Variants in ALDH1A3 observed in about 807,000 individuals in gnomAD.
ALDH1A3 encodes the protein retinaldehyde dehydrogenase 3.
Under a neutral mutation model 57.5 loss-of-function variants are expected in ALDH1A3, and 28 were observed. That is an observed-to-expected ratio of 0.49 (90% CI 0.36 to 0.67). The LOEUF (loss-of-function observed/expected upper bound fraction) is 0.67. ALDH1A3 is among the 30% of genes least tolerant of loss of function. The pLI, the probability that ALDH1A3 is intolerant of heterozygous loss-of-function variation, is 0.00. For missense variants in ALDH1A3, 507 were observed against 669.4 expected (o/e 0.76, Z 2.68); for synonymous variants, 281 against 264.8 (o/e 1.06, Z -0.59).
chr15:100,907,056 C>G (rs761933876), intron 10 of ALDH1A3, 65 bp from the exon 11 acceptor site: 1 of 1,550,582 alleles, frequency 6.4e-7, no homozygotes, highest in African/African-American at 1.4e-5. Flanking sequence ...GAAGGAAATG[C>G]TTGTTCACAG....
intron 3 of ALDH1A3, chr15:100,888,893 A>G (rs2041622090): frequency 6.6e-6 from 1 of 152,176 alleles, no homozygotes; most frequent in Non-Finnish European, 1.5e-5. Flanking sequence ...GTGAAGACCC[A>G]TTTTCTAACC....
In ALDH1A3 at chr15:100,906,490, C is replaced by T. The variant is rs755421891; in HGVS notation, c.1234-631C>T. Among the ~76,000 whole-genome samples, 4 of 152,186 alleles carry T rather than the reference C, an allele frequency of 2.6e-5. No homozygotes were observed. Among genetic ancestry groups the T allele is most frequent in the Non-Finnish European group, 5.9e-5 (4 of 68,034 alleles). On this transcript the variant is annotated intron_variant, in intron 10 of 12. Transcript: ENST00000329841. This position sits in a 1 kb window ranked among gnomAD's most constrained non-coding sequence, Gnocchi z 4.8. ...CTGTGACGAGAGGTCCTGGGGAACCCGGAAGGTATTTTGGCAGGCCAGGCA... is the reference window on the plus strand; with the variant it reads ...CTGTGACGAGAGGTCCTGGGGAACCTGGAAGGTATTTTGGCAGGCCAGGCA...
chr15:100,898,015 T>G, intron 7 of ALDH1A3, 68 bp from the exon 8 acceptor site: 1 of 1,469,640 alleles, frequency 6.8e-7, no homozygotes, highest in Non-Finnish European at 9.5e-7. Flanking sequence ...GAATGTTCAC[T>G]GATGTTTACG....
At chr15:100,903,565 G>A (rs951952791) in intron 9 of ALDH1A3, among the ~76,000 whole-genome samples, 1 of 152,198 alleles carries the variant, frequency 6.6e-6, no homozygotes, top group Non-Finnish European at 1.5e-5. Context: ...TGCTAAGTGG[G>A]AACACATTTC....
At chr15:100,897,985 C>A in intron 7 of ALDH1A3, 98 bp from the exon 8 acceptor site, 2 of 1,163,836 alleles carry the variant, frequency 1.7e-6, no homozygotes, top group Non-Finnish European at 2.5e-6. Flanking sequence ...GGTGGTGGCA[C>A]TGCCACCCGG....
chr15:100,880,272 G>C (rs1174187987), intron 1 of ALDH1A3: 2 of 385,380 alleles, frequency 5.2e-6, no homozygotes, highest in East Asian at 3.7e-5. Context: ...CGGGCCGCCC[G>C]CATCCCTGCG....
At chr15:100,896,591 T>C (rs898593286) in intron 7 of ALDH1A3, among the ~76,000 whole-genome samples, 1 of 152,196 alleles carries the variant, frequency 6.6e-6, no homozygotes, top group Non-Finnish European at 1.5e-5. Context: ...CTGCTGAGAA[T>C]ATGGGGAAGC....
At chr15:100,898,402 ACTG>A (rs1260008601) in intron 8 of ALDH1A3, among the ~76,000 whole-genome samples, 1 of 152,248 alleles carries the variant, frequency 6.6e-6, no homozygotes, top group Non-Finnish European at 1.5e-5. Flanking sequence ...GCTGCCTTCT[ACTG>A]CCAAAACGAT....
In ALDH1A3 at chr15:100,893,484, A is replaced by G; in HGVS notation, c.538-470A>G. ...TGGCAGGTGGTGTGGGCCAGCTTCC[A>G]GCAGCTTTGGCTGCTAAGGGGCCGG... On this transcript the variant is annotated intron_variant, in intron 5 of 12. Transcript: ENST00000329841. The surrounding 1 kb of genome is among the most constrained non-coding windows in gnomAD (Gnocchi z 4.8). 5.9e-6 allele frequency: 1 copy of G among 170,498 alleles called. No individual in the cohort carries two copies. Among genetic ancestry groups the G allele is most frequent in the African/African-American group, 2.4e-5 (1 of 42,238 alleles). 10.6% of individuals were successfully genotyped at this position (170,498 alleles called of 1,614,324 possible).
chr15:100,907,844 C>CTTTTTTT (rs71151987), intron 11 of ALDH1A3, among the ~76,000 whole-genome samples: 939 of 81,824 alleles, frequency 0.011, 10 homozygotes, highest in Non-Finnish European at 0.014. Context: ...TTCTTTCTTT[C>CTTTTTTT]TTTTTTTTTT....
intron 1 of ALDH1A3, chr15:100,880,499 G>C: frequency 3.1e-6 from 1 of 318,244 alleles, no homozygotes; most frequent in African/African-American, 2.2e-5. Flanking sequence ...GAAGACTGGG[G>C]AAGCGGGTCC....
At chr15:100,884,516 C>T (rs1450244040) in intron 1 of ALDH1A3, among the ~76,000 whole-genome samples, 1 of 149,844 alleles carries the variant, frequency 6.7e-6, no homozygotes, top group Non-Finnish European at 1.5e-5. Context: ...AGACATTTAA[C>T]TTTGTACTTC....
At chr15:100,904,024 G>A (rs534008215) in intron 9 of ALDH1A3, among the ~76,000 whole-genome samples, 2 of 151,924 alleles carry the variant, frequency 1.3e-5, no homozygotes, top group East Asian at 3.9e-4. Context: ...TTCTTTTTTG[G>A]CTTCTGCATT....
chr15:100,902,708 A>G (rs991673985), intron 9 of ALDH1A3, among the ~76,000 whole-genome samples: 5 of 152,052 alleles, frequency 3.3e-5, no homozygotes, highest in African/African-American at 1.2e-4. Context: ...GCGTCATCTC[A>G]CTTCCTGGCA....
At chr15:100,902,797 G>A (rs4246323) in intron 9 of ALDH1A3, among the ~76,000 whole-genome samples, 14,692 of 152,284 alleles carry the variant, frequency 0.096, 1,417 homozygotes, top group African/African-American at 0.25. Context: ...GTTCCTACGG[G>A]CTCTCCAGGG....
intron 12 of ALDH1A3, among the ~76,000 whole-genome samples, chr15:100,912,980 A>G (rs2041894958): frequency 1.0e-5 from 1 of 98,470 alleles, no homozygotes; most frequent in Admixed American, 9.6e-5. Flanking sequence ...AACAAGGTGA[A>G]ACCCCGTCTC....
At chr15:100,885,403 A>G in intron 2 of ALDH1A3, 32 bp downstream of exon 2, 1 of 1,485,616 alleles carries the variant, frequency 6.7e-7, no homozygotes, top group Non-Finnish European at 9.4e-7. Flanking sequence ...GCTCTAAGTA[A>G]TTCAATTATG....
chr15:100,892,410 C>G, intron 3 of ALDH1A3, 100 bp from the exon 4 acceptor site: 1 of 1,542,192 alleles, frequency 6.5e-7, no homozygotes, highest in Non-Finnish European at 8.9e-7. Context: ...AGAGCAATGT[C>G]CTAGGACTGT....
chr15:100,904,302 T>C (rs1388786737), intron 9 of ALDH1A3, among the ~76,000 whole-genome samples: 2 of 152,200 alleles, frequency 1.3e-5, no homozygotes, highest in Non-Finnish European at 2.9e-5. Context: ...TGAGTCAGTA[T>C]TTTTAAACTG....
Sources: gnomAD v4.1 joint callset for allele counts (sites outside exome capture counted in the v4.1 genomes callset) on GRCh38, gnomAD v4.1.1 for gene constraint, Gnocchi (gnomAD v3.1) non-coding constraint, MANE v1.5 for transcripts, NCBI Gene and HGNC (gene_info 2026-07-23, HGNC 2026-07-21) for gene names.